Variants in TRAPPC9 observed in about 807,000 individuals in gnomAD.
The protein encoded by TRAPPC9 is IKK2 binding protein.
Under a neutral mutation model 124.0 loss-of-function variants are expected in TRAPPC9, and 83 were observed. The ratio of observed to expected loss-of-function variants is 0.67; its 90% CI spans 0.56 to 0.80. The LOEUF is 0.80. Ranked by LOEUF, TRAPPC9 falls within the 30% of genes least tolerant of loss-of-function variation. TRAPPC9 has a pLI of 0.00. For missense variants in TRAPPC9, 1,302 were observed against 1,508.3 expected (o/e 0.86, Z 2.27); for synonymous variants, 638 against 617.5 (o/e 1.03, Z -0.49).
intron 11 of TRAPPC9, among the ~76,000 whole-genome samples, chr8:140,297,730 T>C (rs1044120063): frequency 3.3e-5 from 5 of 152,224 alleles, no homozygotes; most frequent in African/African-American, 1.2e-4. Flanking sequence ...TTATTGTTCA[T>C]TCGAGTTCAA....
At chr8:139,878,777 C>A (rs991793822) in intron 21 of TRAPPC9, among the ~76,000 whole-genome samples, 4 of 152,180 alleles carry the variant, frequency 2.6e-5, no homozygotes, top group African/African-American at 9.7e-5. Flanking sequence ...CCAGCCTGGG[C>A]AACATAGGGA....
rs1455530298 is a variant in TRAPPC9 at position 140,252,161 on chromosome 8, G to T, written c.2431+616C>A. ...TGCCCTCAGCCTCCTGAGTAGCTGGGATTACAGGCATGCGCCACCATGCCC... is the reference window on the plus strand; with the variant it reads ...TGCCCTCAGCCTCCTGAGTAGCTGGTATTACAGGCATGCGCCACCATGCCC... On this transcript the variant is annotated intron_variant, in intron 16 of 22. Transcript: ENST00000438773. This position sits in a 1 kb window ranked among gnomAD's most constrained non-coding sequence, Gnocchi z 4.2. 6.6e-6 allele frequency among the ~76,000 whole-genome samples: 1 copy of T among 152,078 alleles called. No homozygotes were observed. The highest frequency in any genetic ancestry group is 2.4e-5 in the African/African-American group (1 of 41,402).
At chr8:140,389,009 G>C (rs2068843856) in intron 7 of TRAPPC9, among the ~76,000 whole-genome samples, 1 of 143,528 alleles carries the variant, frequency 7.0e-6, no homozygotes, top group Non-Finnish European at 1.5e-5. Flanking sequence ...CCAGGCTGGA[G>C]TGCAATGGCG....
At position 139,910,188 on chromosome 8, in the gene TRAPPC9, C is replaced by G; in HGVS notation, c.2923G>C (p.Gly975Arg). The G allele has an allele frequency of 6.2e-7, 1 of 1,614,192 alleles. No homozygotes were observed. Among genetic ancestry groups the G allele is most frequent in the Admixed American group, 1.7e-5 (1 of 60,028 alleles). Residue 975 changes from glycine (G) to arginine (R), a missense_variant, in exon 20 of 23, where the codon GGC becomes CGC. By Grantham distance (125) the Gly-to-Arg change is moderately radical. Transcript: ENST00000438773. ...QLEEERREAR[G>R]LEIHSKLGIC... ...CCCAGCTTGCTGTGGATCTCCAGGC[C>G]TCGGGCTTCCCGCCGCTCTTCCTCC...
intron 9 of TRAPPC9, among the ~76,000 whole-genome samples, chr8:140,321,687 T>G (rs1163619947): frequency 6.6e-6 from 1 of 152,072 alleles, no homozygotes; most frequent in African/African-American, 2.4e-5. Context: ...CGCCTGCATG[T>G]AGGTGGGTGC....
chr8:140,411,007 G>A (rs2069689051), intron 5 of TRAPPC9, among the ~76,000 whole-genome samples: 2 of 152,112 alleles, frequency 1.3e-5, no homozygotes, highest in Non-Finnish European at 2.9e-5. Flanking sequence ...CACACTGACA[G>A]GAAGCATTAA....
chr8:139,950,130 C>T (rs760946166), intron 19 of TRAPPC9, among the ~76,000 whole-genome samples: 44 of 152,068 alleles, frequency 2.9e-4, no homozygotes, highest in Admixed American at 1.0e-3. Flanking sequence ...TTCAGGTGAC[C>T]GTGGGGGAAG....
At chr8:139,944,314 C>G (rs1834079756) in intron 19 of TRAPPC9, among the ~76,000 whole-genome samples, 1 of 152,098 alleles carries the variant, frequency 6.6e-6, no homozygotes, top group Non-Finnish European at 1.5e-5. Flanking sequence ...ATAGTAAATA[C>G]TTGGGCAAAT....
chr8:139,788,924 G>A lies in TRAPPC9; in HGVS notation c.3056-56722C>T, dbSNP rs932262983. 8.5e-5 allele frequency among the ~76,000 whole-genome samples: 13 copies of A among 152,182 alleles called. No individual in the cohort carries two copies. Among genetic ancestry groups the A allele is most frequent in the Admixed American group, 4.6e-4 (7 of 15,284 alleles). On this transcript the variant is annotated intron_variant, in intron 21 of 22. Coordinates refer to ENST00000438773, the MANE Select transcript of TRAPPC9 (RefSeq NM_001160372.4). The surrounding 1 kb of genome is among the most constrained non-coding windows in gnomAD (Gnocchi z 4.9). ...GTCAGACCAAAGTTTTAAAAGAAAA[G>A]CCCACGTGGGGAGCATTTTGTTTTG...
rs1174991138 is a variant in TRAPPC9, at chr8:139,984,608, G to A, written c.2810+4118C>T. 3.3e-5 allele frequency among the ~76,000 whole-genome samples: 5 copies of A among 152,146 alleles called. No homozygotes were observed. Among genetic ancestry groups the A allele is most frequent in the Admixed American group, 1.3e-4 (2 of 15,276 alleles). On this transcript the variant is annotated intron_variant, in intron 19 of 22. Transcript: ENST00000438773. This position sits in a 1 kb window ranked among gnomAD's most constrained non-coding sequence, Gnocchi z 4.3. ...GTCTGAGGTCTGTAAGGTGCTGTCCGGCGTTGCGAAGTAAGGTAGAGCCAT... is the reference window on the plus strand; with the variant it reads ...GTCTGAGGTCTGTAAGGTGCTGTCCAGCGTTGCGAAGTAAGGTAGAGCCAT...
At position 140,342,078 on chromosome 8, in the gene TRAPPC9, G is replaced by C. The variant is rs374092710; in HGVS notation, c.1495+17972C>G. ...CCCTCAGGATGAGTTGCCATATTCC[G>C]GACCAGAAGTGGCAGAGTCCAGGCT... On this transcript the variant is annotated intron_variant, in intron 9 of 22. Coordinates refer to ENST00000438773, the MANE Select transcript of TRAPPC9 (RefSeq NM_001160372.4). 1.2e-3 allele frequency among the ~76,000 whole-genome samples: 183 copies of C among 152,294 alleles called. 4 individuals are homozygous for C. The South Asian group carries it at 0.037, about 31-fold the overall frequency.
chr8:140,173,390 T>C (rs547829134), intron 17 of TRAPPC9, among the ~76,000 whole-genome samples: 58 of 152,032 alleles, frequency 3.8e-4, no homozygotes, highest in African/African-American at 1.4e-3. Flanking sequence ...CCGTCTCTAC[T>C]GAAAATACAA....
intron 2 of TRAPPC9, among the ~76,000 whole-genome samples, chr8:140,447,207 C>T (rs1198538121): frequency 6.6e-6 from 1 of 152,112 alleles, no homozygotes; most frequent in Non-Finnish European, 1.5e-5. Flanking sequence ...ATGCTACAGA[C>T]TGAACAAGAT....
At chr8:140,287,288 G>A (rs1278679851) in intron 13 of TRAPPC9, among the ~76,000 whole-genome samples, 1 of 151,702 alleles carries the variant, frequency 6.6e-6, no homozygotes, top group African/African-American at 2.4e-5. Flanking sequence ...TTCAGCGTGT[G>A]TAGACACCCT....
rs189064228 is a variant in TRAPPC9, at chr8:140,440,578, G to A, written c.585-1381C>T. Reference sequence around the variant, plus strand: ...AACAGCAGTCACCTCAGCAGCCTCCGCCTAGTCTCTGACTCCTCACCCTGC... The same window carrying A: ...AACAGCAGTCACCTCAGCAGCCTCCACCTAGTCTCTGACTCCTCACCCTGC... On this transcript the variant is annotated intron_variant, in intron 2 of 22. Transcript: ENST00000438773. Among the ~76,000 whole-genome samples, 193 of 151,618 alleles carry A rather than the reference G, an allele frequency of 1.3e-3. 1 individual carries two copies. Among genetic ancestry groups the A allele is most frequent in the East Asian group, 5.6e-3 (29 of 5,174 alleles).
At chr8:140,100,561 A>G (rs1587708238) in intron 17 of TRAPPC9, 1 of 152,678 alleles carries the variant, frequency 6.5e-6, no homozygotes, top group East Asian at 1.9e-4. Context: ...ACTGCAGCGT[A>G]AACACCCCTG....
intron 21 of TRAPPC9, among the ~76,000 whole-genome samples, chr8:139,743,524 C>T (rs529797252): frequency 4.0e-4 from 61 of 152,346 alleles, no homozygotes; most frequent in Non-Finnish European, 6.2e-4. Context: ...AGAAGACACA[C>T]ATTTTTCTAG....
intron 17 of TRAPPC9, among the ~76,000 whole-genome samples, chr8:140,101,454 A>T (rs750838570): frequency 6.6e-6 from 1 of 151,790 alleles, no homozygotes; most frequent in Non-Finnish European, 1.5e-5. Context: ...ATTTTAAAAT[A>T]CATTTTTAGG....
chr8:139,974,247 A>G (rs781609935), intron 19 of TRAPPC9, among the ~76,000 whole-genome samples: 1 of 152,224 alleles, frequency 6.6e-6, no homozygotes, highest in Non-Finnish European at 1.5e-5. Flanking sequence ...CGCTTCTAGG[A>G]GAACAAGTTA....
Sources: gnomAD v4.1 joint callset for allele counts (sites outside exome capture counted in the v4.1 genomes callset) on GRCh38, gnomAD v4.1.1 for gene constraint, Gnocchi (gnomAD v3.1) non-coding constraint, MANE v1.5 for transcripts, NCBI Gene and HGNC (gene_info 2026-07-23, HGNC 2026-07-21) for gene names.